IQSEC3: variants seen among roughly 807,000 people sequenced by gnomAD.
IQSEC3 encodes the protein IQ motif and SEC7 domain-containing protein 3.
A neutral mutation model predicts 105.4 loss-of-function variants in IQSEC3; 50 were observed. The observed-to-expected ratio is 0.47, with a 90% CI of 0.38 to 0.60. The LOEUF (loss-of-function observed/expected upper bound fraction) is 0.60, where lower values mean the gene tolerates loss of function less well. IQSEC3 is among the 20% of genes least tolerant of loss of function. The probability of loss-of-function intolerance (pLI) is 0.00; values close to 1 mark genes in which losing one functional copy is unlikely to be tolerated. For missense variants in IQSEC3, 1,415 were observed against 1,630.0 expected (o/e 0.87, Z 2.27); for synonymous variants, 708 against 746.0 (o/e 0.95, Z 0.83).
At chr12:136,294 T>C (rs914873781) in intron 3 of IQSEC3, among the ~76,000 whole-genome samples, 2 of 152,224 alleles carry the variant, frequency 1.3e-5, no homozygotes, top group Non-Finnish European at 2.9e-5. Flanking sequence ...CTGGAAGCAC[T>C]GGAGGCAAGC....
chr12:151,990 A>T (rs1866527167), intron 5 of IQSEC3, among the ~76,000 whole-genome samples: 1 of 152,054 alleles, frequency 6.6e-6, no homozygotes, highest in Non-Finnish European at 1.5e-5. Context: ...CCCTACATAG[A>T]ACTCATCATG....
At chr12:171,694 G>A (rs1246889091) in intron 13 of IQSEC3, among the ~76,000 whole-genome samples, 1 of 152,180 alleles carries the variant, frequency 6.6e-6, no homozygotes, top group Non-Finnish European at 1.5e-5. Flanking sequence ...TTGGGGGCAG[G>A]TGGGAGGGGG....
chr12:86,927 C>T (rs868916313), intron 1 of IQSEC3, among the ~76,000 whole-genome samples: 5 of 151,886 alleles, frequency 3.3e-5, no homozygotes, highest in South Asian at 2.1e-4. Flanking sequence ...TACAGCTCTC[C>T]GTGAAATTGT....
chr12:69,648 T>TC lies in IQSEC3; in HGVS notation c.554+2216dup, dbSNP rs1863233496. Among the ~76,000 whole-genome samples the TC allele has an allele frequency of 3.3e-5, 5 of 152,272 alleles. No homozygotes were observed. In the South Asian group the frequency reaches 1.0e-3, roughly 31 times the overall value. ...CATAGAGACCATAGATGTGCCTGCC[T>TC]CCCCTCATCCCTGCAGCTCTCCTTC... On this transcript the variant is annotated intron_variant, in intron 1 of 13. Transcript: ENST00000538872.
intron 1 of IQSEC3, among the ~76,000 whole-genome samples, chr12:93,565 A>T (rs1296707494): frequency 6.6e-6 from 1 of 152,236 alleles, no homozygotes. Context: ...GCTTGGAGGC[A>T]GCGTCAGAGG....
chr12:148,306 G>A (rs1866363869), intron 5 of IQSEC3: 1 of 152,180 alleles, frequency 6.6e-6, no homozygotes, highest in South Asian at 2.1e-4. Context: ...AGACTCTGCG[G>A]CTCGGGGCCC....
chr12:154,176 C>T (rs1486143301), intron 5 of IQSEC3, among the ~76,000 whole-genome samples: 4 of 152,242 alleles, frequency 2.6e-5, no homozygotes, highest in South Asian at 2.1e-4. Context: ...CGGTCCTTGG[C>T]TCTCAGGCTC....
At chr12:111,386 A>T (rs893987474) in intron 2 of IQSEC3, among the ~76,000 whole-genome samples, 1 of 151,566 alleles carries the variant, frequency 6.6e-6, no homozygotes, top group Non-Finnish European at 1.5e-5. Context: ...ATCCCTTCAA[A>T]CCTGCAGCAT....
chr12:126,296 C>T (rs540138103), intron 3 of IQSEC3, among the ~76,000 whole-genome samples: 6 of 152,314 alleles, frequency 3.9e-5, no homozygotes, highest in African/African-American at 9.6e-5. Context: ...CCAAGGGAGC[C>T]GGTGTTAGGC....
intron 2 of IQSEC3, among the ~76,000 whole-genome samples, chr12:115,344 T>G (rs1408244646): frequency 1.3e-5 from 2 of 152,092 alleles, no homozygotes; most frequent in Non-Finnish European, 2.9e-5. Context: ...TGACCTGGGT[T>G]GGAACAGAAG....
At chr12:155,237 C>T (rs1423004590) in intron 5 of IQSEC3, among the ~76,000 whole-genome samples, 6 of 152,324 alleles carry the variant, frequency 3.9e-5, no homozygotes, top group South Asian at 2.1e-4. Context: ...GTTCCCCAGC[C>T]GTCAGCTCAA....
intron 2 of IQSEC3, among the ~76,000 whole-genome samples, chr12:111,320 G>GATAAAACA (rs1394275358): frequency 6.6e-6 from 1 of 152,170 alleles, no homozygotes; most frequent in Non-Finnish European, 1.5e-5. Flanking sequence ...TTTTGGGCCA[G>GATAAAACA]ATAAAACAAC....
At chr12:149,513 G>A (rs191344786) in intron 5 of IQSEC3, among the ~76,000 whole-genome samples, 288 of 152,314 alleles carry the variant, frequency 1.9e-3, no homozygotes, top group Middle Eastern at 3.4e-3. Flanking sequence ...TCCAGCTGCC[G>A]GCATGCAGTC....
intron 1 of IQSEC3, among the ~76,000 whole-genome samples, chr12:89,183 C>A (rs950249421): frequency 6.6e-6 from 1 of 152,174 alleles, no homozygotes; most frequent in African/African-American, 2.4e-5. Flanking sequence ...ATCCCCACCC[C>A]CAATTTTCTC....
intron 5 of IQSEC3, among the ~76,000 whole-genome samples, chr12:155,462 C>A (rs1266019204): frequency 6.6e-6 from 1 of 152,158 alleles, no homozygotes; most frequent in Non-Finnish European, 1.5e-5. Context: ...AGACTCCCAG[C>A]TCCCTCTCGG....
intron 13 of IQSEC3, among the ~76,000 whole-genome samples, chr12:173,473 A>G (rs949629183): frequency 7.2e-5 from 11 of 152,120 alleles, no homozygotes; most frequent in African/African-American, 2.7e-4. Context: ...AGGAAATGCT[A>G]GTTTAGGGCT....
chr12:148,960 A>C (rs1555091836), intron 5 of IQSEC3: 1 of 152,004 alleles, frequency 6.6e-6, no homozygotes, highest in Admixed American at 6.6e-5. Context: ...AAAAAAAAGA[A>C]GGTTGAGATG....
chr12:79,726 A>G (rs531238168), intron 1 of IQSEC3, among the ~76,000 whole-genome samples: 5 of 152,316 alleles, frequency 3.3e-5, no homozygotes, highest in Admixed American at 3.3e-4. Context: ...AATAGACAAT[A>G]CATTGACCTA....
intron 3 of IQSEC3, among the ~76,000 whole-genome samples, chr12:133,223 C>T (rs533889411): frequency 4.3e-4 from 65 of 152,328 alleles, no homozygotes; most frequent in African/African-American, 9.1e-4. Flanking sequence ...TCACCCATCA[C>T]GGGCTCCTCT....
Sources: allele counts gnomAD v4.1 joint callset (sites outside exome capture counted in the v4.1 genomes callset), GRCh38; gene constraint gnomAD v4.1.1; transcripts MANE v1.5; gene names NCBI Gene and HGNC (gene_info 2026-07-23, HGNC 2026-07-21).